The following SLC25A32 variants were observed in gnomAD, a reference collection of about 807,000 sequenced individuals.
SLC25A32 encodes the protein solute carrier family 25 member 32.
A neutral mutation model predicts 39.0 loss-of-function variants in SLC25A32; 32 were observed. The ratio of observed to expected loss-of-function variants is 0.82; its 90% CI spans 0.62 to 1.10. The LOEUF is 1.10. Ranked by LOEUF, SLC25A32 falls within the 50% of genes least tolerant of loss-of-function variation. The pLI, the probability that SLC25A32 is intolerant of heterozygous loss-of-function variation, is 0.00. For missense variants in SLC25A32, 367 were observed against 395.3 expected, an observed-to-expected ratio of 0.93 and a Z score of 0.61; for synonymous variants, 166 against 152.4, an observed-to-expected ratio of 1.09 and a Z score of -0.66.
chr8:103,415,086 C>G lies in SLC25A32; in HGVS notation c.-149G>C, dbSNP rs750385901. 1 of 1,609,490 alleles carries G rather than the reference C, an allele frequency of 6.2e-7. No homozygotes were observed. Among genetic ancestry groups the G allele is most frequent in the Non-Finnish European group, 8.5e-7 (1 of 1,178,330 alleles). On this transcript the variant is annotated 5_prime_UTR_variant, in exon 1 of 7. Transcript: ENST00000297578. ...GACTCTTATGCCCAAGGCGCGTGAG[C>G]GAAGCCGGAGACTCTAGTACTGAGG...
In SLC25A32 at chr8:103,400,180, T is replaced by C. The variant is rs1015559015; in HGVS notation, c.*231A>G. 1.1e-5 allele frequency: 6 copies of C among 523,896 alleles called. No individual in the cohort carries two copies. In the Admixed American group the frequency reaches 1.8e-4, roughly 15 times the overall value. 32.5% of individuals were successfully genotyped at this position (523,896 alleles called of 1,614,324 possible). A position where few individuals can be genotyped will look rare whatever the true frequency, so the allele number is the denominator to read the frequency against. On this transcript the variant is annotated 3_prime_UTR_variant, in exon 7 of 7. Coordinates refer to ENST00000297578, the MANE Select transcript of SLC25A32 (RefSeq NM_030780.5). ...TCTATCCTTCGTGTCAGTTTTAACATTGTGTTGATGGCAGCCATTTCAGGC... is the reference window on the plus strand; with the variant it reads ...TCTATCCTTCGTGTCAGTTTTAACACTGTGTTGATGGCAGCCATTTCAGGC...
rs1816569341 is a variant in SLC25A32 at position 103,415,053 on chromosome 8, A to G, written c.-116T>C. The stretch of plus-strand genomic sequence containing the variant: ...TGAGCGCAACCCCACCTCCGGGACC[A>G]ACGAGAGGACTCTTATGCCCAAGGC... On this transcript the variant is annotated 5_prime_UTR_variant, in exon 1 of 7. Coordinates refer to ENST00000297578, the MANE Select transcript of SLC25A32 (RefSeq NM_030780.5). The G allele has an allele frequency of 4.4e-6, 7 of 1,599,362 alleles. No individual in the cohort carries two copies. Among genetic ancestry groups the G allele is most frequent in the Admixed American group, 3.5e-5 (2 of 57,412 alleles).
chr8:103,407,727 G>A lies in SLC25A32; in HGVS notation c.212C>T (p.Thr71Ile). Residue 71 changes from threonine to isoleucine, a missense_variant, in exon 2 of 7, where the codon ACC (threonine) becomes ATC (isoleucine). Coordinates refer to ENST00000297578, the MANE Select transcript of SLC25A32 (RefSeq NM_030780.5). Reference protein sequence around the residue: ...KYNGILHCLTTIWKLDGLRGL... With the variant: ...KYNGILHCLTIIWKLDGLRGL... The stretch of plus-strand genomic sequence containing the variant: ...CCGTAGTCCATCAAGTTTCCAAATG[G>A]TAGTCAAGCAATGTAAAATTCCATT... 6.2e-7 allele frequency: 1 copy of A among 1,613,146 alleles called. No homozygotes were observed. Among genetic ancestry groups the A allele is most frequent in the South Asian group, 1.1e-5 (1 of 91,044 alleles).
At chr8:103,411,492 C>A (rs952103002) in intron 1 of SLC25A32, among the ~76,000 whole-genome samples, 8 of 151,958 alleles carry the variant, frequency 5.3e-5, no homozygotes, top group African/African-American at 1.9e-4. Flanking sequence ...ACTGCAAGCG[C>A]TCTAATTAAG....
At position 103,400,223 on chromosome 8, in the gene SLC25A32, A is replaced by G; in HGVS notation, c.*188T>C. ...TTTCAGGCAGAGGTAGCCAAGTTCC[A>G]TATATATGGGGAAGGCAAAAAGCAA... On this transcript the variant is annotated 3_prime_UTR_variant, in exon 7 of 7. Transcript: ENST00000297578. The G allele has an allele frequency of 3.4e-6, 2 of 582,858 alleles. No individual in the cohort carries two copies. The highest frequency in any genetic ancestry group is 5.6e-6 in the Non-Finnish European group (2 of 355,488). 36.1% of individuals were successfully genotyped at this position (582,858 alleles called of 1,614,324 possible).
chr8:103,399,497 T>C lies in SLC25A32; in HGVS notation c.*914A>G, dbSNP rs956251708. On this transcript the variant is annotated 3_prime_UTR_variant, in exon 7 of 7. Coordinates refer to ENST00000297578, the MANE Select transcript of SLC25A32 (RefSeq NM_030780.5). ...CAATGGAATGACAATAGATGTCAGA[T>C]ATTTCTCTGAGAAGTATATAGTTTC... is the stretch of plus-strand genomic sequence containing the variant. 11 of 152,240 alleles carry C rather than the reference T, an allele frequency of 7.2e-5. No homozygotes were observed. The highest frequency in any genetic ancestry group is 2.4e-4 in the African/African-American group (10 of 41,458). 9.4% of individuals were successfully genotyped at this position (152,240 alleles called of 1,614,324 possible).
chr8:103,403,453 G>A, intron 3 of SLC25A32, 129 bp from the exon 4 acceptor site: 1 of 549,956 alleles, frequency 1.8e-6, no homozygotes, highest in South Asian at 4.3e-5. Context: ...GACCATATCT[G>A]AAACTGTGAA....
intron 1 of SLC25A32, among the ~76,000 whole-genome samples, chr8:103,413,320 G>C (rs1444110288): frequency 6.6e-6 from 1 of 152,206 alleles, no homozygotes; most frequent in Non-Finnish European, 1.5e-5. Context: ...GCACCTGCAG[G>C]CAAGTCTAAA....
At chr8:103,411,963 G>A (rs1189906451) in intron 1 of SLC25A32, among the ~76,000 whole-genome samples, 2 of 152,112 alleles carry the variant, frequency 1.3e-5, no homozygotes, top group Admixed American at 6.5e-5. Flanking sequence ...CATATGTTAC[G>A]GAAACAGACT....
At chr8:103,405,353 A>T (rs1261805290) in intron 2 of SLC25A32, among the ~76,000 whole-genome samples, 1 of 152,238 alleles carries the variant, frequency 6.6e-6, no homozygotes, top group Non-Finnish European at 1.5e-5. Context: ...GACAACACAG[A>T]CAATAGAAGA....
chr8:103,402,654 G>C (rs1816242398), intron 4 of SLC25A32: 1 of 152,034 alleles, frequency 6.6e-6, no homozygotes, highest in Admixed American at 6.6e-5. Context: ...ATAAAAAGGA[G>C]TTATAAAATC....
At chr8:103,402,093 G>A (rs549363990) in intron 4 of SLC25A32, 39 bp from the exon 5 acceptor site, 29 of 1,358,106 alleles carry the variant, frequency 2.1e-5, no homozygotes, top group African/African-American at 2.0e-4. Context: ...AACAACATAC[G>A]TTTGAAGAAC....
At chr8:103,414,580 CCT>C (rs1816546543) in intron 1 of SLC25A32, 1 of 657,488 alleles carries the variant, frequency 1.5e-6, no homozygotes, top group African/African-American at 1.8e-5. Context: ...ATACATGCCC[CCT>C]CTCTTAGTCT....
chr8:103,400,385 A>G lies in SLC25A32; in HGVS notation c.*26T>C. ...AAGAGCTTGTTGCTGCCTTGGGCAG[A>G]TATACTGGAATTGTCCTCTTTGAGC... On this transcript the variant is annotated 3_prime_UTR_variant, in exon 7 of 7. Transcript: ENST00000297578. 6.2e-7 allele frequency: 1 copy of G among 1,613,618 alleles called. No individual in the cohort carries two copies. Among genetic ancestry groups the G allele is most frequent in the Non-Finnish European group, 8.5e-7 (1 of 1,179,778 alleles).
intron 1 of SLC25A32, 139 bp downstream of exon 1, chr8:103,414,645 A>C (rs1162887858): frequency 2.4e-6 from 3 of 1,244,066 alleles, no homozygotes; most frequent in Non-Finnish European, 3.3e-6. Context: ...CCATTTCCTC[A>C]AATCTAGTTC....
intron 4 of SLC25A32, 78 bp from the exon 5 acceptor site, chr8:103,402,132 C>T (rs1421807726): frequency 6.5e-6 from 6 of 919,672 alleles, no homozygotes; most frequent in African/African-American, 1.7e-5. Context: ...ACTTTCTCTT[C>T]TCTCTCATTA....
At chr8:103,406,630 G>C (rs866857905) in intron 2 of SLC25A32, among the ~76,000 whole-genome samples, 21 of 152,232 alleles carry the variant, frequency 1.4e-4, no homozygotes, top group Admixed American at 4.6e-4. Context: ...AATGAGCTGG[G>C]AAGATGATGG....
intron 2 of SLC25A32, among the ~76,000 whole-genome samples, chr8:103,406,065 G>GTATA (rs1554628989): frequency 6.5e-4 from 94 of 144,232 alleles, no homozygotes; most frequent in Middle Eastern, 7.1e-3. Context: ...GTGTGTGTGT[G>GTATA]TATATATATA....
At chr8:103,412,707 C>T (rs1391582617) in intron 1 of SLC25A32, among the ~76,000 whole-genome samples, 1 of 152,106 alleles carries the variant, frequency 6.6e-6, no homozygotes, top group Non-Finnish European at 1.5e-5. Flanking sequence ...AAACTAGTTC[C>T]TCCAGTCATT....
Sources: allele counts gnomAD v4.1 joint callset (sites outside exome capture counted in the v4.1 genomes callset), GRCh38; gene constraint gnomAD v4.1.1; transcripts MANE v1.5; gene names NCBI Gene and HGNC (gene_info 2026-07-23, HGNC 2026-07-21).